The following WDR43 variants were observed in gnomAD, a reference collection of about 807,000 sequenced individuals.
The protein encoded by WDR43 is WD repeat-containing protein 43.
In WDR43, 13 loss-of-function variants were observed where a neutral mutation model predicts 91.4. That is an observed-to-expected ratio of 0.14 (90% CI 0.09 to 0.23). WDR43 has a LOEUF of 0.23. WDR43 is among the 10% of genes least tolerant of loss of function. The pLI is 1.00. For missense variants in WDR43, 780 were observed against 809.4 expected, an observed-to-expected ratio of 0.96 and a Z score of 0.44; for synonymous variants, 331 against 287.9, an observed-to-expected ratio of 1.15 and a Z score of -1.51.
intron 16 of WDR43, 94 bp downstream of exon 16, chr2:28,942,475 A>T: frequency 1.5e-6 from 2 of 1,356,816 alleles, no homozygotes; most frequent in Non-Finnish European, 2.0e-6. Context: ...TCAACATAAG[A>T]TCTTCCTTTG....
At chr2:28,924,881 G>T in intron 7 of WDR43, 101 bp from the exon 8 acceptor site, 2 of 1,418,496 alleles carry the variant, frequency 1.4e-6, no homozygotes, top group Non-Finnish European at 9.6e-7. Flanking sequence ...CAGTATAGAG[G>T]CTAGAGGGGG....
intron 3 of WDR43, among the ~76,000 whole-genome samples, chr2:28,910,950 G>C (rs1670785696): frequency 1.3e-5 from 2 of 151,842 alleles, no homozygotes; most frequent in Non-Finnish European, 2.9e-5. Flanking sequence ...CACCTGCCTT[G>C]GCCTCCCAAA....
At chr2:28,938,259 G>A (rs1671370911) in intron 14 of WDR43, among the ~76,000 whole-genome samples, 1 of 152,154 alleles carries the variant, frequency 6.6e-6, no homozygotes, top group Non-Finnish European at 1.5e-5. Context: ...ACAGAAAGGA[G>A]AAAAGTTATA....
At chr2:28,940,310 A>G (rs899041840) in intron 14 of WDR43, among the ~76,000 whole-genome samples, 7 of 150,580 alleles carry the variant, frequency 4.6e-5, no homozygotes, top group African/African-American at 9.8e-5. Context: ...GCTCACCGCA[A>G]CCTCCGCCTT....
intron 15 of WDR43, 144 bp downstream of exon 15, chr2:28,941,718 T>G: frequency 1.6e-6 from 1 of 617,286 alleles, no homozygotes; most frequent in South Asian, 2.0e-5. Context: ...GCAGCCTCGC[T>G]CAAGTGCCTC....
At chr2:28,920,224 CTTTTTTTTT>C (rs751048652) in intron 6 of WDR43, among the ~76,000 whole-genome samples, 3 of 108,062 alleles carry the variant, frequency 2.8e-5, no homozygotes, top group South Asian at 3.0e-4. Context: ...TTTTTTCTTT[CTTTTTTTTT>C]TTTTTTTTTT....
At position 28,917,921 on chromosome 2, in the gene WDR43, A is replaced by T. The variant is rs1156720122; in HGVS notation, c.775A>T (p.Ser259Cys). 1.3e-6 allele frequency: 2 copies of T among 1,585,806 alleles called. No homozygotes were observed. Among genetic ancestry groups the T allele is most frequent in the Non-Finnish European group, 1.7e-6 (2 of 1,165,028 alleles). ...WQVRSENKEK[S>C]AVMSFTVTDE... Reference sequence around the variant, plus strand: ...GGTCCGATCAGAAAACAAAGAAAAGAGTGCAGTGATGTCATTTACAGTTAC... The same window carrying T: ...GGTCCGATCAGAAAACAAAGAAAAGTGTGCAGTGATGTCATTTACAGTTAC... The change falls in exon 6 of 18, where the codon AGT becomes TGT. Residue 259 changes from serine to cysteine, a missense_variant. By Grantham distance (112) the Ser-to-Cys change is moderately radical. Coordinates refer to ENST00000407426, the MANE Select transcript of WDR43 (RefSeq NM_015131.3).
rs1254380083 is a variant in WDR43, at chr2:28,927,709, A to G, written c.1305+9A>G. The G allele has an allele frequency of 5.6e-6, 9 of 1,612,302 alleles. No individual in the cohort carries two copies. Among genetic ancestry groups the G allele is most frequent in the African/African-American group, 4.0e-5 (3 of 74,908 alleles). On this transcript the variant is annotated intron_variant, in intron 10 of 17. Coordinates refer to ENST00000407426, the MANE Select transcript of WDR43 (RefSeq NM_015131.3). ...AGTCAGGGGGAAATGAGGTAATGCA[A>G]CTGCTTTGACCATATATTTGAGTTT...
intron 3 of WDR43, among the ~76,000 whole-genome samples, chr2:28,910,119 G>A (rs1670761908): frequency 6.6e-6 from 1 of 152,146 alleles, no homozygotes; most frequent in South Asian, 2.1e-4. Context: ...GCTTGAGAGT[G>A]CATAATTCTC....
At chr2:28,939,617 A>G (rs1267597659) in intron 14 of WDR43, among the ~76,000 whole-genome samples, 3 of 152,180 alleles carry the variant, frequency 2.0e-5, no homozygotes, top group African/African-American at 7.2e-5. Context: ...CAATGTACCA[A>G]ACACTCTGGT....
chr2:28,922,820 TGTG>T, intron 6 of WDR43, 96 bp from the exon 7 acceptor site: 1 of 476,802 alleles, frequency 2.1e-6, no homozygotes, highest in Non-Finnish European at 3.4e-6. Flanking sequence ...TTTTTCTGGT[TGTG>T]TAATGGGGTG....
In WDR43 at chr2:28,922,899, TGG is replaced by T; in HGVS notation, c.850-19_850-18del. ...GAGTATGTTATCCATTATAATACGT[TGG>T]TTACATTTTTCTTTTAGCCTGTCAA... is the stretch of plus-strand genomic sequence containing the variant. On this transcript the variant is annotated intron_variant, in intron 6 of 17. Transcript: ENST00000407426. The T allele has an allele frequency of 6.2e-7, 1 of 1,608,102 alleles. No homozygotes were observed. Among genetic ancestry groups the T allele is most frequent in the African/African-American group, 1.3e-5 (1 of 74,572 alleles).
At position 28,929,659 on chromosome 2, in the gene WDR43, T is replaced by C. The variant is rs368437879; in HGVS notation, c.1386T>C (p.Phe462=). The change falls in exon 11 of 18, where the codon TTT becomes TTC. Residue 462 remains phenylalanine, a synonymous_variant. Coordinates refer to ENST00000407426, the MANE Select transcript of WDR43 (RefSeq NM_015131.3). ...AGGAAGACCTCCAGACGAATAGCTT[T>C]CCAGTTCTTCTTACCCAGGGCTTAG... The part of the protein sequence containing the change: ...KGKEDLQTNS[F]PVLLTQGLES... The C allele has an allele frequency of 1.2e-6, 2 of 1,613,876 alleles. No individual in the cohort carries two copies. Among genetic ancestry groups the C allele is most frequent in the South Asian group, 2.2e-5 (2 of 91,074 alleles).
In WDR43 at chr2:28,938,012, C is replaced by T; in HGVS notation, c.1620+18C>T. 1 of 1,612,902 alleles carries T rather than the reference C, an allele frequency of 6.2e-7. No homozygotes were observed. Among genetic ancestry groups the T allele is most frequent in the Non-Finnish European group, 8.5e-7 (1 of 1,179,380 alleles). The stretch of plus-strand genomic sequence containing the variant: ...TGTCCACGGTGAGTCTTTTCAGCTT[C>T]TGTTGCCGAGTATGAATAGTTTGGC... On this transcript the variant is annotated intron_variant, in intron 14 of 17. Transcript: ENST00000407426.
At position 28,900,477 on chromosome 2, in the gene WDR43, C is replaced by T. The variant is rs577860305; in HGVS notation, c.226-1510C>T. 3.5e-4 allele frequency among the ~76,000 whole-genome samples: 54 copies of T among 152,312 alleles called. 1 individual carries two copies. In the East Asian group the frequency reaches 9.7e-3, roughly 27 times the overall value. On this transcript the variant is annotated intron_variant, in intron 1 of 17. Transcript: ENST00000407426. ...GATTACAGGCGTGAGCCACCACACT[C>T]AGCCTTCTTGGAATCTTTTTAAAAA...
intron 1 of WDR43, among the ~76,000 whole-genome samples, chr2:28,898,847 ATTACT>A (rs1670529738): frequency 6.6e-6 from 1 of 152,214 alleles, no homozygotes; most frequent in African/African-American, 2.4e-5. Context: ...CTAAAAAGTC[ATTACT>A]TTAATTGCTG....
chr2:28,909,223 C>G (rs1384946419), intron 3 of WDR43, among the ~76,000 whole-genome samples: 2 of 152,186 alleles, frequency 1.3e-5, no homozygotes, highest in Non-Finnish European at 2.9e-5. Flanking sequence ...ACTGCAACCT[C>G]TGCCTCCCGG....
chr2:28,925,721 ACTT>A (rs1441014863), intron 8 of WDR43, among the ~76,000 whole-genome samples: 1 of 152,208 alleles, frequency 6.6e-6, no homozygotes, highest in African/African-American at 2.4e-5. Context: ...AAATGCGTTT[ACTT>A]CGTATGATCC....
intron 3 of WDR43, among the ~76,000 whole-genome samples, chr2:28,911,923 C>T (rs984078776): frequency 4.6e-5 from 7 of 152,168 alleles, no homozygotes; most frequent in African/African-American, 1.2e-4. Flanking sequence ...CATGCCCTGC[C>T]CCTGCTGTTA....
Sources: allele counts gnomAD v4.1 joint callset (sites outside exome capture counted in the v4.1 genomes callset), GRCh38; gene constraint gnomAD v4.1.1; transcripts MANE v1.5; gene names NCBI Gene and HGNC (gene_info 2026-07-23, HGNC 2026-07-21).